CHD6: variants seen among roughly 807,000 people sequenced by gnomAD.
CHD6 encodes chromodomain helicase DNA binding protein 6.
CHD6 carries 50 observed loss-of-function variants against 276.9 expected under a neutral mutation model. The observed-to-expected ratio is 0.18, with a 90% confidence interval of 0.14 to 0.23. The LOEUF (loss-of-function observed/expected upper bound fraction) is 0.23. CHD6 is among the 10% of genes least tolerant of loss of function. CHD6 has a pLI of 1.00. For synonymous variants in CHD6, 1,173 were observed against 1,229.3 expected, an observed-to-expected ratio of 0.95 and a Z score of 0.96; for missense variants, 2,564 against 3,365.8, an observed-to-expected ratio of 0.76 and a Z score of 5.89.
Position 41,421,250 on chromosome 20 carries a change from T to G in CHD6, c.5385A>C (p.Ala1795=), listed in dbSNP as rs771288441. Residue 1795 remains alanine, a synonymous_variant, in exon 31 of 37, where the codon GCA becomes GCC. Coordinates refer to ENST00000373233, the MANE Select transcript of CHD6 (RefSeq NM_032221.5). ...GGCCAATGTTTTCAGGTCTCTGTCC[T>G]GCCTCACTGCAGCAGAGCTCCCCTT... is the stretch of plus-strand genomic sequence containing the variant. The part of the protein sequence containing the change: ...SKEGELCCSE[A]GQRPENIGQL... 6.2e-7 allele frequency: 1 copy of G among 1,614,142 alleles called. No individual in the cohort carries two copies.
At chr20:41,532,815 G>A (rs184144947) in intron 3 of CHD6, among the ~76,000 whole-genome samples, 9 of 152,296 alleles carry the variant, frequency 5.9e-5, no homozygotes, top group Admixed American at 1.3e-4. Flanking sequence ...CACAAATGTC[G>A]TTTTTGAAAT....
chr20:41,591,481 G>A (rs973614623), intron 1 of CHD6, among the ~76,000 whole-genome samples: 1 of 151,704 alleles, frequency 6.6e-6, no homozygotes, highest in African/African-American at 2.4e-5. Flanking sequence ...ACTTGAGGTC[G>A]AGAGTTCAAG....
Position 41,473,047 on chromosome 20 carries a change from A to T in CHD6, c.2664+275T>A. ...GTCAAGATTAGTATCTTTATTTCTGATAATAATAATAATTAGTAGTTCTAG... is the reference window on the plus strand; with the variant it reads ...GTCAAGATTAGTATCTTTATTTCTGTTAATAATAATAATTAGTAGTTCTAG... On this transcript the variant is annotated intron_variant, in intron 17 of 36. Coordinates refer to ENST00000373233, the MANE Select transcript of CHD6 (RefSeq NM_032221.5). This position sits in a 1 kb window ranked among gnomAD's most constrained non-coding sequence, Gnocchi z 4.1. 1 of 338,506 alleles carries T rather than the reference A, an allele frequency of 3.0e-6. No individual in the cohort carries two copies. 21.0% of individuals were successfully genotyped at this position (338,506 alleles called of 1,614,324 possible). A position where few individuals can be genotyped will look rare whatever the true frequency, so the allele number is the denominator to read the frequency against.
rs1032264437 is a variant in CHD6, at chr20:41,440,671, C to T, written c.3878-542G>A. Among the ~76,000 whole-genome samples the T allele has an allele frequency of 3.9e-5, 6 of 152,324 alleles. No individual in the cohort carries two copies. The East Asian group carries it at 7.7e-4, about 20-fold the overall frequency. Reference sequence around the variant, plus strand: ...AGGGCTTTGGAATTACTCCTCATCACACCCCAAAGTTAACAACAGACAGTG... The same window carrying T: ...AGGGCTTTGGAATTACTCCTCATCATACCCCAAAGTTAACAACAGACAGTG... On this transcript the variant is annotated intron_variant, in intron 25 of 36. Transcript: ENST00000373233.
intron 27 of CHD6, among the ~76,000 whole-genome samples, chr20:41,431,435 G>A (rs973221787): frequency 1.3e-4 from 20 of 152,162 alleles, no homozygotes; most frequent in African/African-American, 4.6e-4. Flanking sequence ...GAAGAAGAGG[G>A]AGGACCCTCG....
chr20:41,452,086 TC>T lies in CHD6; in HGVS notation c.3324-62del. The T allele has an allele frequency of 1.5e-6, 2 of 1,298,112 alleles. No individual in the cohort carries two copies. Among genetic ancestry groups the T allele is most frequent in the Non-Finnish European group, 2.2e-6 (2 of 901,722 alleles). 80.4% of individuals were successfully genotyped at this position (1,298,112 alleles called of 1,614,324 possible). A position where few individuals can be genotyped will look rare whatever the true frequency, so the allele number is the denominator to read the frequency against. On this transcript the variant is annotated intron_variant, in intron 21 of 36. Coordinates refer to ENST00000373233, the MANE Select transcript of CHD6 (RefSeq NM_032221.5). This position sits in a 1 kb window ranked among gnomAD's most constrained non-coding sequence, Gnocchi z 4.2. The stretch of plus-strand genomic sequence containing the variant: ...AATGGACCAGGCCATGCAGGCAGCC[TC>T]CCCACAGGAGGAGAAACAAGAGCCA...
intron 16 of CHD6, among the ~76,000 whole-genome samples, chr20:41,480,412 A>T (rs1160126829): frequency 6.6e-6 from 1 of 152,256 alleles, no homozygotes; most frequent in East Asian, 1.9e-4. Context: ...TCAAAAAGAT[A>T]ATTTTTAGTT....
At chr20:41,413,578 G>GAAAAC in intron 34 of CHD6, 63 bp from the exon 35 acceptor site, 2 of 1,310,502 alleles carry the variant, frequency 1.5e-6, no homozygotes, top group Non-Finnish European at 2.1e-6. Flanking sequence ...TCTAAAGAAA[G>GAAAAC]AAAACATGTA....
At chr20:41,564,193 C>A in intron 1 of CHD6, 1 of 658,330 alleles carries the variant, frequency 1.5e-6, no homozygotes, top group Non-Finnish European at 2.8e-6. Context: ...AAATGAGAAG[C>A]CATCTACAAA....
At chr20:41,412,566 A>G (rs1002516392) in intron 35 of CHD6, among the ~76,000 whole-genome samples, 1 of 152,102 alleles carries the variant, frequency 6.6e-6, no homozygotes, top group Non-Finnish European at 1.5e-5. Context: ...TTTCCTCTTG[A>G]TCATTTCCTT....
intron 2 of CHD6, among the ~76,000 whole-genome samples, chr20:41,539,888 A>G (rs1404569824): frequency 6.6e-6 from 1 of 152,268 alleles, no homozygotes; most frequent in Admixed American, 6.5e-5. Flanking sequence ...CGGAGGTTTA[A>G]AAGACATGAA....
intron 1 of CHD6, among the ~76,000 whole-genome samples, chr20:41,552,350 T>A (rs1251936858): frequency 2.6e-5 from 4 of 152,206 alleles, no homozygotes; most frequent in African/African-American, 4.8e-5. Context: ...ATTTCTCATA[T>A]CCAAATGAAT....
At chr20:41,612,005 T>C (rs1316477370) in intron 1 of CHD6, among the ~76,000 whole-genome samples, 1 of 152,178 alleles carries the variant, frequency 6.6e-6, no homozygotes, top group African/African-American at 2.4e-5. Context: ...AGTGAAGAAG[T>C]AGTTTTTGGT....
chr20:41,553,165 A>G (rs2045171066), intron 1 of CHD6, among the ~76,000 whole-genome samples: 1 of 152,224 alleles, frequency 6.6e-6, no homozygotes. Flanking sequence ...ACCATCACAA[A>G]CTGCCACAAA....
intron 27 of CHD6, among the ~76,000 whole-genome samples, chr20:41,433,015 T>C (rs930744253): frequency 6.7e-6 from 1 of 148,936 alleles, no homozygotes; most frequent in Non-Finnish European, 1.5e-5. Flanking sequence ...AACAGCAGAA[T>C]GGTGGAGGAA....
At chr20:41,566,291 T>C (rs2146197542) in intron 1 of CHD6, among the ~76,000 whole-genome samples, 1 of 152,152 alleles carries the variant, frequency 6.6e-6, no homozygotes, top group Middle Eastern at 3.4e-3. Context: ...CATTTTCTAG[T>C]ACTTATTAGA....
At chr20:41,422,441 C>G (rs2047224897) in intron 30 of CHD6, among the ~76,000 whole-genome samples, 1 of 151,972 alleles carries the variant, frequency 6.6e-6, no homozygotes, top group Admixed American at 6.6e-5. Flanking sequence ...GAGTTCAAGA[C>G]CAGCCCGGGC....
intron 17 of CHD6, among the ~76,000 whole-genome samples, chr20:41,472,712 GTTAGCT>G (rs2043082948): frequency 1.3e-5 from 2 of 152,290 alleles, no homozygotes; most frequent in Non-Finnish European, 2.9e-5. Flanking sequence ...GCTTGTTTAT[GTTAGCT>G]TTCAAAAAAT....
chr20:41,467,449 C>T lies in CHD6; in HGVS notation c.2664+5873G>A, dbSNP rs546890609. Among the ~76,000 whole-genome samples the T allele has an allele frequency of 8.2e-4, 124 of 151,482 alleles. 1 individual carries two copies. The highest frequency in any genetic ancestry group is 2.7e-3 in the African/African-American group (113 of 41,302). On this transcript the variant is annotated intron_variant, in intron 17 of 36. Transcript: ENST00000373233. ...TGCTATAATCCCCCAGCCCTAATCCCTGGAGAAAATTATAGTGCTCTAATT... is the reference window on the plus strand; with the variant it reads ...TGCTATAATCCCCCAGCCCTAATCCTTGGAGAAAATTATAGTGCTCTAATT...
Sources: allele counts gnomAD v4.1 joint callset (sites outside exome capture counted in the v4.1 genomes callset), GRCh38; gene constraint gnomAD v4.1.1; non-coding constraint Gnocchi (gnomAD v3.1); transcripts MANE v1.5; gene names NCBI Gene and HGNC (gene_info 2026-07-23, HGNC 2026-07-21).